Variants in HERC1 observed in about 807,000 individuals in gnomAD.
HERC1 encodes HECT and RLD domain containing E3 ubiquitin protein ligase family member 1.
In HERC1, 160 loss-of-function variants were observed where a neutral mutation model predicts 554.3. That is an observed-to-expected ratio of 0.29 (90% CI 0.25 to 0.33). The LOEUF (loss-of-function observed/expected upper bound fraction) is 0.33. Ranked by LOEUF, HERC1 falls within the 10% of genes least tolerant of loss-of-function variation. HERC1 has a pLI of 1.00. For synonymous variants in HERC1, 2,175 were observed against 2,131.7 expected (o/e 1.02, Z -0.56); for missense variants, 4,919 against 5,918.5 (o/e 0.83, Z 5.54).
At chr15:63,746,433 GT>G (rs1424732225) in intron 12 of HERC1, among the ~76,000 whole-genome samples, 1 of 151,962 alleles carries the variant, frequency 6.6e-6, no homozygotes, top group Admixed American at 6.6e-5. Context: ...TACTAAATAT[GT>G]TTTTTTAAAC....
chr15:63,826,233 T>G (rs1329240339), intron 1 of HERC1, among the ~76,000 whole-genome samples: 2 of 152,120 alleles, frequency 1.3e-5, no homozygotes, highest in Non-Finnish European at 2.9e-5. Context: ...AGATGGGGAT[T>G]TCTTCATGTT....
intron 25 of HERC1, among the ~76,000 whole-genome samples, chr15:63,702,089 A>AT (rs1451273282): frequency 1.3e-5 from 2 of 152,232 alleles, no homozygotes; most frequent in Non-Finnish European, 2.9e-5. Flanking sequence ...ATACTTTATA[A>AT]ACCATAAAAT....
intron 1 of HERC1, among the ~76,000 whole-genome samples, chr15:63,777,238 A>AT (rs1196066482): frequency 6.6e-6 from 1 of 152,232 alleles, no homozygotes; most frequent in Non-Finnish European, 1.5e-5. Flanking sequence ...ATAAAATCTG[A>AT]TGACACTTGC....
chr15:63,616,360 C>A, intron 75 of HERC1, 70 bp downstream of exon 75: 2 of 1,491,418 alleles, frequency 1.3e-6, no homozygotes, highest in Admixed American at 2.0e-5. Flanking sequence ...CTCAATTTTA[C>A]ACAGAAAAAT....
Position 63,694,722 on chromosome 15 carries a change from C to T in HERC1, c.5242+52G>A. 1 of 1,611,444 alleles carries T rather than the reference C, an allele frequency of 6.2e-7. No individual in the cohort carries two copies. On this transcript the variant is annotated intron_variant, in intron 28 of 77. Transcript: ENST00000443617. This position sits in a 1 kb window ranked among gnomAD's most constrained non-coding sequence, Gnocchi z 4.3. ...TATAGAACATAACTAGTACCATAAC[C>T]TCGGGCTAAAATGTAACCTGCACTG...
At chr15:63,667,895 G>A (rs909348644) in intron 40 of HERC1, among the ~76,000 whole-genome samples, 30 of 152,084 alleles carry the variant, frequency 2.0e-4, no homozygotes, top group African/African-American at 7.0e-4. Flanking sequence ...TACTCAACGG[G>A]AATATGACTA....
At chr15:63,705,699 A>G (rs2072965873) in intron 25 of HERC1, among the ~76,000 whole-genome samples, 1 of 152,110 alleles carries the variant, frequency 6.6e-6, no homozygotes, top group Admixed American at 6.6e-5. Flanking sequence ...AACACTTCAC[A>G]TTTTCACAAC....
chr15:63,677,431 G>A lies in HERC1; in HGVS notation c.7070+414C>T, dbSNP rs959572632. ...AAAGCCTAATTTCAGTCCGTCAAAC[G>A]TTCATATCCAATATTCAGAGCCTTG... On this transcript the variant is annotated intron_variant, in intron 37 of 77. Transcript: ENST00000443617. This position sits in a 1 kb window ranked among gnomAD's most constrained non-coding sequence, Gnocchi z 4.4. Among the ~76,000 whole-genome samples the A allele has an allele frequency of 2.0e-5, 3 of 152,152 alleles. No individual in the cohort carries two copies. The highest frequency in any genetic ancestry group is 2.1e-4 in the South Asian group (1 of 4,826).
At chr15:63,793,476 TA>T (rs924178850) in intron 1 of HERC1, among the ~76,000 whole-genome samples, 1 of 152,174 alleles carries the variant, frequency 6.6e-6, no homozygotes, top group Non-Finnish European at 1.5e-5. Context: ...CTATATGGTC[TA>T]AAAGGGGGAG....
At chr15:63,701,426 A>G (rs532257034) in intron 25 of HERC1, among the ~76,000 whole-genome samples, 1 of 152,336 alleles carries the variant, frequency 6.6e-6, no homozygotes, top group East Asian at 1.9e-4. Context: ...ATCTTCTGCA[A>G]TTTAAAGCAG....
intron 19 of HERC1, among the ~76,000 whole-genome samples, chr15:63,720,103 C>CTGTTTTTTTTTTTTTT (rs2073748126): frequency 1.4e-5 from 1 of 71,596 alleles, no homozygotes; most frequent in Non-Finnish European, 2.7e-5. Flanking sequence ...TTTTTCTTCC[C>CTGTTTTTTTTTTTTTT]TTTTTTTTTT....
At chr15:63,814,457 G>A (rs749373653) in intron 1 of HERC1, among the ~76,000 whole-genome samples, 36 of 152,128 alleles carry the variant, frequency 2.4e-4, no homozygotes, top group Admixed American at 1.3e-3. Flanking sequence ...GGGGGAGGGG[G>A]TTGGAGGTTT....
intron 76 of HERC1, among the ~76,000 whole-genome samples, chr15:63,613,560 AG>A (rs1455497260): frequency 2.0e-5 from 3 of 152,204 alleles, no homozygotes; most frequent in Non-Finnish European, 4.4e-5. Flanking sequence ...TAACTATGTG[AG>A]GTGATGGATA....
At chr15:63,646,252 G>C (rs1052184665) in intron 55 of HERC1, among the ~76,000 whole-genome samples, 1 of 151,996 alleles carries the variant, frequency 6.6e-6, no homozygotes, top group African/African-American at 2.4e-5. Flanking sequence ...CTCTGTTTAA[G>C]GTAAAAAAAT....
intron 1 of HERC1, among the ~76,000 whole-genome samples, chr15:63,810,633 T>C (rs1359866085): frequency 6.6e-6 from 1 of 152,196 alleles, no homozygotes; most frequent in East Asian, 1.9e-4. Flanking sequence ...GCTTCTTTTT[T>C]TTAATTTAAA....
At position 63,812,520 on chromosome 15, in the gene HERC1, G is replaced by A. The variant is rs79452983; in HGVS notation, c.-27+21307C>T. Among the ~76,000 whole-genome samples, 83 of 152,246 alleles carry A rather than the reference G, an allele frequency of 5.5e-4. No individual in the cohort carries two copies. In the East Asian group the frequency reaches 8.5e-3, roughly 16 times the overall value. On this transcript the variant is annotated intron_variant, in intron 1 of 77. Coordinates refer to ENST00000443617, the MANE Select transcript of HERC1 (RefSeq NM_003922.4). ...ATAAAGATCTGATTCAAAAGGAAAT[G>A]GGAAGTTTCTCCTGTTTCCTCATCT...
rs534969761 is a variant in HERC1 at position 63,662,994 on chromosome 15, C to T, written c.8891G>A (p.Trp2964Ter). ...LGMWIPEVLD[W>*]PTWHVCESED... is the part of the protein sequence containing the mutation. Reference sequence around the variant, plus strand: ...TGCAGTCACACACACCCAGGTAGGCCAATCCAGTACCTCTGGGATCCACAT... The same window carrying T: ...TGCAGTCACACACACCCAGGTAGGCTAATCCAGTACCTCTGGGATCCACAT... Residue 2964 changes from tryptophan (W) to a stop codon, truncating the protein, a stop_gained, in exon 44 of 78, where the codon TGG becomes TAG. Transcript: ENST00000443617. LOFTEE classifies it high-confidence loss of function. The T allele has an allele frequency of 6.2e-7, 1 of 1,613,716 alleles. No homozygotes were observed. The highest frequency in any genetic ancestry group is 8.5e-7 in the Non-Finnish European group (1 of 1,179,646).
At chr15:63,622,986 T>G (rs1345149737) in intron 73 of HERC1, 95 bp from the exon 74 acceptor site, 2 of 709,858 alleles carry the variant, frequency 2.8e-6, no homozygotes, top group Non-Finnish European at 4.6e-6. Context: ...GAGAATATTT[T>G]GAGGAATTTA....
chr15:63,708,850 C>T (rs72750988), intron 24 of HERC1, among the ~76,000 whole-genome samples: 4,722 of 152,270 alleles, frequency 0.031, 101 homozygotes, highest in Non-Finnish European at 0.049. Flanking sequence ...TCTTCATCCA[C>T]CCCAGGCTCT....
Sources: gnomAD v4.1 joint callset for allele counts (sites outside exome capture counted in the v4.1 genomes callset) on GRCh38, gnomAD v4.1.1 for gene constraint, Gnocchi (gnomAD v3.1) non-coding constraint, MANE v1.5 for transcripts, NCBI Gene and HGNC (gene_info 2026-07-23, HGNC 2026-07-21) for gene names.